SMYD3: variants seen among roughly 807,000 people sequenced by gnomAD.
The protein encoded by SMYD3 is histone-lysine N-methyltransferase SMYD3.
SMYD3 carries 36 observed loss-of-function variants against 57.7 expected under a neutral mutation model. The observed-to-expected ratio is 0.62, with a 90% CI of 0.48 to 0.82. The LOEUF is 0.82. SMYD3 is among the 40% of genes least tolerant of loss of function. The pLI is 0.00. For synonymous variants in SMYD3, 211 were observed against 195.0 expected, an observed-to-expected ratio of 1.08 and a Z score of -0.68; for missense variants, 515 against 538.8, an observed-to-expected ratio of 0.96 and a Z score of 0.44.
intron 5 of SMYD3, among the ~76,000 whole-genome samples, chr1:246,235,642 G>A (rs759465060): frequency 6.6e-6 from 1 of 152,062 alleles, no homozygotes; most frequent in Non-Finnish European, 1.5e-5. Context: ...CTTCCCCTCC[G>A]CAGCATTCCG....
At chr1:246,326,428 C>G in intron 5 of SMYD3, 2 of 677,634 alleles carry the variant, frequency 3.0e-6, no homozygotes, top group Non-Finnish European at 5.3e-6. Flanking sequence ...AATCATCGCA[C>G]TCTTCCTCCC....
At chr1:246,273,093 T>A (rs559548203) in intron 5 of SMYD3, among the ~76,000 whole-genome samples, 110 of 145,650 alleles carry the variant, frequency 7.6e-4, no homozygotes, top group African/African-American at 3.1e-3. Context: ...CCTCCTATAA[T>A]CCTTTTTCAT....
At chr1:246,409,226 G>T (rs976698735) in intron 1 of SMYD3, among the ~76,000 whole-genome samples, 1 of 152,138 alleles carries the variant, frequency 6.6e-6, no homozygotes. Context: ...ATTGTTTTTG[G>T]TGTTTTAGAC....
intron 8 of SMYD3, among the ~76,000 whole-genome samples, chr1:245,892,790 C>T (rs137919650): frequency 5.6e-4 from 85 of 152,280 alleles, no homozygotes; most frequent in African/African-American, 1.9e-3. Context: ...ATATGAAACA[C>T]AGAAGAAATA....
At chr1:246,483,379 CCA>C (rs1205017589) in intron 1 of SMYD3, 1 of 152,182 alleles carries the variant, frequency 6.6e-6, no homozygotes, top group East Asian at 1.9e-4. Context: ...CAGTTTAGCT[CCA>C]GTTATCATTT....
chr1:246,416,099 T>C (rs2067056490), intron 1 of SMYD3, among the ~76,000 whole-genome samples: 1 of 152,176 alleles, frequency 6.6e-6, no homozygotes, highest in African/African-American at 2.4e-5. Flanking sequence ...CAAATAAATT[T>C]TTTGAGAAAT....
chr1:245,937,602 A>T (rs2057037031), intron 5 of SMYD3, among the ~76,000 whole-genome samples: 1 of 152,188 alleles, frequency 6.6e-6, no homozygotes, highest in Non-Finnish European at 1.5e-5. Flanking sequence ...GAGGCTCAGA[A>T]ATTCTTCAAT....
intron 5 of SMYD3, among the ~76,000 whole-genome samples, chr1:246,049,570 G>T (rs1392502378): frequency 6.6e-6 from 1 of 151,824 alleles, no homozygotes; most frequent in African/African-American, 2.4e-5. Context: ...CTCCCAAAGT[G>T]CTGGGATTAC....
intron 5 of SMYD3, among the ~76,000 whole-genome samples, chr1:246,058,637 G>A (rs973503276): frequency 6.6e-6 from 1 of 152,126 alleles, no homozygotes; most frequent in African/African-American, 2.4e-5. Flanking sequence ...GAAGCTTGAG[G>A]AAAGCTTTTT....
intron 10 of SMYD3, among the ~76,000 whole-genome samples, chr1:245,775,061 C>A (rs2046515806): frequency 6.6e-6 from 1 of 152,082 alleles, no homozygotes; most frequent in East Asian, 1.9e-4. Context: ...ACAACCTCCA[C>A]CTCCCAGCCG....
At chr1:245,867,659 C>CGT (rs112357925) in intron 8 of SMYD3, among the ~76,000 whole-genome samples, 1 of 131,368 alleles carries the variant, frequency 7.6e-6, no homozygotes, top group East Asian at 2.6e-4. Flanking sequence ...CGTGCGTGTG[C>CGT]GTGCGCGCGC....
chr1:246,220,305 C>T (rs1365114100), intron 5 of SMYD3, among the ~76,000 whole-genome samples: 1 of 147,488 alleles, frequency 6.8e-6, no homozygotes. Context: ...GAAGACCCCA[C>T]CCGCCCCACC....
chr1:245,942,967 T>G (rs1054528072), intron 5 of SMYD3, among the ~76,000 whole-genome samples: 1 of 152,058 alleles, frequency 6.6e-6, no homozygotes, highest in African/African-American at 2.4e-5. Flanking sequence ...CCAGAACCTC[T>G]GGGATAGAGC....
chr1:246,328,932 T>C (rs1283530173), intron 4 of SMYD3, among the ~76,000 whole-genome samples: 3 of 151,138 alleles, frequency 2.0e-5, no homozygotes, highest in Admixed American at 6.6e-5. Flanking sequence ...CGAGTGAGAA[T>C]ATGCGGTGTT....
chr1:245,814,071 C>A (rs895313081), intron 10 of SMYD3, among the ~76,000 whole-genome samples: 1 of 151,550 alleles, frequency 6.6e-6, no homozygotes, highest in African/African-American at 2.4e-5. Flanking sequence ...GAAAAATAAA[C>A]AGAAGGCAAA....
At chr1:246,171,592 G>A (rs923371809) in intron 5 of SMYD3, among the ~76,000 whole-genome samples, 18 of 152,166 alleles carry the variant, frequency 1.2e-4, no homozygotes, top group African/African-American at 3.1e-4. Context: ...ACATGATATT[G>A]CCTATTGCTC....
At chr1:245,988,433 T>A (rs910179722) in intron 5 of SMYD3, 1 of 152,194 alleles carries the variant, frequency 6.6e-6, no homozygotes, top group Admixed American at 6.5e-5. Flanking sequence ...TTAGGTAAAA[T>A]TCAAAGAACC....
At chr1:246,060,736 G>A (rs1028626143) in intron 5 of SMYD3, among the ~76,000 whole-genome samples, 4 of 152,040 alleles carry the variant, frequency 2.6e-5, no homozygotes, top group Non-Finnish European at 4.4e-5. Context: ...CTCCCATAAA[G>A]AAAGACATCC....
chr1:245,907,377 A>G (rs1045029565), intron 8 of SMYD3, among the ~76,000 whole-genome samples: 3 of 152,220 alleles, frequency 2.0e-5, no homozygotes, highest in Non-Finnish European at 4.4e-5. Flanking sequence ...AAAAAATAAA[A>G]TAATTTAAAG....
Sources: allele counts gnomAD v4.1 joint callset (sites outside exome capture counted in the v4.1 genomes callset), GRCh38; gene constraint gnomAD v4.1.1; transcripts MANE v1.5; gene names NCBI Gene and HGNC (gene_info 2026-07-23, HGNC 2026-07-21).